RAB11FIP4: variants seen among roughly 807,000 people sequenced by gnomAD.
RAB11FIP4 encodes rab11 family-interacting protein 4.
A neutral mutation model predicts 74.3 loss-of-function variants in RAB11FIP4; 23 were observed. The observed-to-expected ratio is 0.31, with a 90% confidence interval of 0.22 to 0.44. RAB11FIP4 has a LOEUF of 0.44. RAB11FIP4 is among the 20% of genes least tolerant of loss of function. The pLI, the probability that RAB11FIP4 is intolerant of heterozygous loss-of-function variation, is 1.00. For synonymous variants in RAB11FIP4, 360 were observed against 359.9 expected (o/e 1.00, Z 0.00); for missense variants, 630 against 863.9 (o/e 0.73, Z 3.39).
At chr17:31,437,656 T>G (rs1876944124) in intron 3 of RAB11FIP4, among the ~76,000 whole-genome samples, 1 of 152,128 alleles carries the variant, frequency 6.6e-6, no homozygotes, top group Non-Finnish European at 1.5e-5. Flanking sequence ...CCCCCTCCCC[T>G]CAGGGTGTGG....
intron 3 of RAB11FIP4, chr17:31,488,337 C>A (rs2071941306): frequency 2.7e-6 from 3 of 1,126,356 alleles, no homozygotes; most frequent in Admixed American, 4.9e-5. Flanking sequence ...CTCGGCCCGG[C>A]CCGCGGCCCC....
chr17:31,522,474 C>T (rs113868347), intron 7 of RAB11FIP4, 79 bp downstream of exon 7: 44,976 of 1,423,730 alleles, frequency 0.032, 801 homozygotes, highest in African/African-American at 0.049. Flanking sequence ...GCCAGCAGCC[C>T]GGACTCAGCT....
chr17:31,488,091 G>A, intron 3 of RAB11FIP4: 1 of 1,015,636 alleles, frequency 9.8e-7, no homozygotes, highest in Non-Finnish European at 1.2e-6. Flanking sequence ...ACGGGCGGGG[G>A]CGGGGCCGCG....
intron 1 of RAB11FIP4, among the ~76,000 whole-genome samples, chr17:31,414,012 A>C (rs1404369623): frequency 6.6e-6 from 1 of 152,204 alleles, no homozygotes; most frequent in South Asian, 2.1e-4. Context: ...TGCCTATGAA[A>C]GCCTCATTTA....
At position 31,391,870 on chromosome 17, in the gene RAB11FIP4, C is replaced by G; in HGVS notation, c.18C>G (p.Gly6=). 1 of 1,166,464 alleles carries G rather than the reference C, an allele frequency of 8.6e-7. No homozygotes were observed. The allele number at this position is 1,166,464 out of a possible 1,614,324, so 72.3% of individuals were successfully genotyped here. The change falls in exon 1 of 15, where the codon GGC becomes GGG. Residue 6 remains glycine (G), a synonymous_variant. Transcript: ENST00000621161. ...CGGCCCGGATGGCGGGCGGCGCGGGCTGGTCGGGCGCCCCCGCGGCTCTGC... is the reference window on the plus strand; with the variant it reads ...CGGCCCGGATGGCGGGCGGCGCGGGGTGGTCGGGCGCCCCCGCGGCTCTGC... MAGGA[G]WSGAPAALLR...
At chr17:31,530,226 C>T (rs748289576) in intron 13 of RAB11FIP4, 100 bp from the exon 14 acceptor site, 31 of 1,455,114 alleles carry the variant, frequency 2.1e-5, no homozygotes, top group Admixed American at 1.6e-4. Context: ...GTGGGAATGG[C>T]GCTGGCGGCA....
intron 1 of RAB11FIP4, among the ~76,000 whole-genome samples, chr17:31,406,270 TC>T (rs2071040844): frequency 3.9e-5 from 6 of 152,232 alleles, no homozygotes; most frequent in Admixed American, 3.9e-4. Flanking sequence ...TGGGCTCTGC[TC>T]CCAGCGCAGG....
chr17:31,438,160 G>A (rs1195511370), intron 3 of RAB11FIP4, among the ~76,000 whole-genome samples: 1 of 152,102 alleles, frequency 6.6e-6, no homozygotes, highest in African/African-American at 2.4e-5. Context: ...TGCTCAGGCT[G>A]CCCATCAGCC....
chr17:31,431,722 C>T, intron 1 of RAB11FIP4, 91 bp from the exon 2 acceptor site: 1 of 592,340 alleles, frequency 1.7e-6, no homozygotes, highest in Non-Finnish European at 3.2e-6. Flanking sequence ...ACACTGGTGT[C>T]CCTCCCTCCC....
intron 3 of RAB11FIP4, among the ~76,000 whole-genome samples, chr17:31,467,320 A>C (rs1334979956): frequency 6.6e-6 from 1 of 151,958 alleles, no homozygotes; most frequent in African/African-American, 2.4e-5. Flanking sequence ...GGTTTCACCA[A>C]GTTGGCCAGG....
intron 3 of RAB11FIP4, among the ~76,000 whole-genome samples, chr17:31,439,865 G>A (rs1426174231): frequency 6.6e-6 from 1 of 152,164 alleles, no homozygotes; most frequent in Non-Finnish European, 1.5e-5. Flanking sequence ...TTGAACTCCT[G>A]TGCTCAGGTG....
chr17:31,456,230 C>T (rs539853884), intron 3 of RAB11FIP4, among the ~76,000 whole-genome samples: 1 of 152,200 alleles, frequency 6.6e-6, no homozygotes, highest in East Asian at 1.9e-4. Context: ...CCAATATATT[C>T]TTTTTTTGAG....
At chr17:31,456,455 C>T (rs982740672) in intron 3 of RAB11FIP4, among the ~76,000 whole-genome samples, 2 of 152,240 alleles carry the variant, frequency 1.3e-5, no homozygotes, top group East Asian at 3.8e-4. Flanking sequence ...GATCCGCCCC[C>T]CTCAGCCTCC....
chr17:31,463,368 C>T (rs1050533146), intron 3 of RAB11FIP4, among the ~76,000 whole-genome samples: 3 of 152,152 alleles, frequency 2.0e-5, no homozygotes, highest in Non-Finnish European at 2.9e-5. Flanking sequence ...ATAAAGAAGA[C>T]GATGAGTCCC....
At chr17:31,427,030 C>T (rs1276298535) in intron 1 of RAB11FIP4, among the ~76,000 whole-genome samples, 2 of 152,172 alleles carry the variant, frequency 1.3e-5, no homozygotes, top group African/African-American at 2.4e-5. Context: ...ACAATCTCGG[C>T]TCACTGCAAC....
In RAB11FIP4 at chr17:31,463,803, C is replaced by CTTTTTTTTTTTTTTTTTT. The variant is rs60955293; in HGVS notation, c.336+29692_336+29709dup. 1.8e-4 allele frequency among the ~76,000 whole-genome samples: 6 copies of CTTTTTTTTTTTTTTTTTT among 32,842 alleles called. 2 individuals carry two copies. Among genetic ancestry groups the CTTTTTTTTTTTTTTTTTT allele is most frequent in the African/African-American group, 4.3e-4 (4 of 9,210 alleles). The allele number at this position is 32,842 out of a possible 152,430, so 21.5% of individuals were successfully genotyped here. A position where few individuals can be genotyped will look rare whatever the true frequency, so the allele number is the denominator to read the frequency against. On this transcript the variant is annotated intron_variant, in intron 3 of 14. Coordinates refer to ENST00000621161, the MANE Select transcript of RAB11FIP4 (RefSeq NM_032932.6). ...ACAGGTGTGAGCCACTGCGCCTGGA[C>CTTTTTTTTTTTTTTTTTT]TTTTTTTTTTTTTTTTTTTTTTTTT...
At chr17:31,434,237 C>T in intron 3 of RAB11FIP4, 115 bp downstream of exon 3, 1 of 811,602 alleles carries the variant, frequency 1.2e-6, no homozygotes, top group Admixed American at 2.2e-5. Flanking sequence ...GAGGACCCTT[C>T]TTGAGCATCA....
intron 3 of RAB11FIP4, among the ~76,000 whole-genome samples, chr17:31,477,525 C>T (rs923493766): frequency 5.3e-5 from 8 of 152,212 alleles, no homozygotes; most frequent in South Asian, 2.1e-4. Context: ...AGAAGAGCAG[C>T]GCGGGCGTCA....
intron 7 of RAB11FIP4, chr17:31,522,988 TAGCTC>T (rs1039943043): frequency 4.6e-4 from 83 of 180,228 alleles, no homozygotes; most frequent in African/African-American, 1.8e-3. Context: ...AGGCACGGGT[TAGCTC>T]AGCAGGCCCA....
Sources: allele counts gnomAD v4.1 joint callset (sites outside exome capture counted in the v4.1 genomes callset), GRCh38; gene constraint gnomAD v4.1.1; transcripts MANE v1.5; gene names NCBI Gene and HGNC (gene_info 2026-07-23, HGNC 2026-07-21).